IKBKB-DT: variants seen among roughly 807,000 people sequenced by gnomAD.
The protein encoded by IKBKB-DT is IKBKB divergent transcript.
chr8:42,250,449 T>G (rs1563276314), intron 3 of IKBKB-DT, among the ~76,000 whole-genome samples: 1 of 152,232 alleles, frequency 6.6e-6, no homozygotes, highest in Non-Finnish European at 1.5e-5. Flanking sequence ...CATTTACATC[T>G]ACACCCTAGC....
At chr8:42,268,802 A>G (rs1008358156) in intron 1 of IKBKB-DT, among the ~76,000 whole-genome samples, 1 of 150,316 alleles carries the variant, frequency 6.7e-6, no homozygotes, top group Non-Finnish European at 1.5e-5. Context: ...CCTGACCTCA[A>G]GTGATCTGCC....
chr8:42,271,132 C>G, exon 1 of IKBKB-DT: 1 of 522,046 alleles, frequency 1.9e-6, no homozygotes, highest in African/African-American at 2.0e-5. Flanking sequence ...AATCGGTGAG[C>G]ACGGTCTGTC....
chr8:42,264,672 T>A (rs1404275401), intron 2 of IKBKB-DT, among the ~76,000 whole-genome samples: 3 of 151,264 alleles, frequency 2.0e-5, no homozygotes, highest in Non-Finnish European at 4.4e-5. Flanking sequence ...AACTCTCCTG[T>A]CTCAGCCTCC....
intron 3 of IKBKB-DT, among the ~76,000 whole-genome samples, chr8:42,261,736 G>T (rs1049431446): frequency 6.6e-6 from 1 of 152,186 alleles, no homozygotes; most frequent in Admixed American, 6.5e-5. Flanking sequence ...CCTCAACTTT[G>T]TGCTGATGAC....
At chr8:42,266,164 C>T (rs1807366404) in exon 2 of IKBKB-DT, 1 of 152,216 alleles carries the variant, frequency 6.6e-6, no homozygotes, top group Admixed American at 6.5e-5. Context: ...AGAGTCCTTT[C>T]TCTGCAGGGC....
chr8:42,260,452 T>A (rs750035757), intron 3 of IKBKB-DT, among the ~76,000 whole-genome samples: 5 of 151,630 alleles, frequency 3.3e-5, no homozygotes, highest in Admixed American at 6.6e-5. Context: ...GATCAGGAGG[T>A]CAGGAGTTTG....
rs559901583 is a variant in IKBKB-DT, at chr8:42,236,935, GTCTTGAGC to G, written n.1530-3084_1530-3077del. Among the ~76,000 whole-genome samples, 388 of 152,206 alleles carry G rather than the reference GTCTTGAGC, an allele frequency of 2.5e-3. 1 individual carries two copies. The highest frequency in any genetic ancestry group is 9.1e-3 in the African/African-American group (378 of 41,524). On this transcript the variant is annotated intron_variant and non_coding_transcript_variant, in intron 3 of 3. Transcript: ENST00000518213. ...AGGTCTCACCATGTTGCCCAGGCCGGTCTTGAGCTCTTGAGTTCAAGTAATCCTTCCAC... is the reference window on the plus strand; with the variant it reads ...AGGTCTCACCATGTTGCCCAGGCCGGTCTTGAGTTCAAGTAATCCTTCCAC...
chr8:42,240,624 CAAAAAAA>C (rs1208809199), intron 3 of IKBKB-DT, among the ~76,000 whole-genome samples: 3 of 26,396 alleles, frequency 1.1e-4, no homozygotes, highest in Non-Finnish European at 2.0e-4. Context: ...GACTCAGTCT[CAAAAAAA>C]AAAAAAAAAA....
chr8:42,244,395 T>C (rs1455314265), intron 3 of IKBKB-DT, among the ~76,000 whole-genome samples: 1 of 152,280 alleles, frequency 6.6e-6, no homozygotes, highest in African/African-American at 2.4e-5. Flanking sequence ...CACTGTGTCA[T>C]TGGTGGAGAT....
At chr8:42,242,704 A>G (rs1173743680) in intron 3 of IKBKB-DT, among the ~76,000 whole-genome samples, 5 of 152,152 alleles carry the variant, frequency 3.3e-5, no homozygotes, top group African/African-American at 1.2e-4. Flanking sequence ...TTGTATAGCC[A>G]GGGCCACCTC....
chr8:42,244,086 G>T (rs540196377), intron 3 of IKBKB-DT, among the ~76,000 whole-genome samples: 1 of 152,064 alleles, frequency 6.6e-6, no homozygotes, highest in African/African-American at 2.4e-5. Context: ...ACTAAGCTTT[G>T]GTTCCCTCAA....
intron 3 of IKBKB-DT, among the ~76,000 whole-genome samples, chr8:42,248,151 C>T (rs1418723717): frequency 2.6e-5 from 4 of 152,106 alleles, no homozygotes; most frequent in Middle Eastern, 3.4e-3. Flanking sequence ...TTTCCCGAGG[C>T]CTCCCCAGCT....
At chr8:42,234,608 CTTTA>C (rs1236738340) in intron 3 of IKBKB-DT, among the ~76,000 whole-genome samples, 1 of 151,992 alleles carries the variant, frequency 6.6e-6, no homozygotes, top group African/African-American at 2.4e-5. Context: ...TTATTTTATA[CTTTA>C]TTTATTTTAT....
intron 3 of IKBKB-DT, among the ~76,000 whole-genome samples, chr8:42,244,096 A>G (rs920957470): frequency 6.6e-6 from 1 of 152,190 alleles, no homozygotes; most frequent in African/African-American, 2.4e-5. Context: ...GGTTCCCTCA[A>G]TTATATTTAT....
intron 1 of IKBKB-DT, among the ~76,000 whole-genome samples, chr8:42,268,882 T>A (rs1027261771): frequency 6.6e-6 from 1 of 152,164 alleles, no homozygotes; most frequent in African/African-American, 2.4e-5. Context: ...ATATTTTATT[T>A]AAAAAATTTA....
chr8:42,241,224 C>CTT lies in IKBKB-DT; in HGVS notation n.1530-7367_1530-7366dup, dbSNP rs773177896. On this transcript the variant is annotated intron_variant and non_coding_transcript_variant, in intron 3 of 3. Transcript: ENST00000518213. The stretch of plus-strand genomic sequence containing the variant: ...TTGATGCCTTTAGATATGTTGGAAT[C>CTT]TTTTTTTTTTTTTTTTTTTTTTTTT... Among the ~76,000 whole-genome samples the CTT allele has an allele frequency of 5.7e-3, 261 of 45,686 alleles. 99 individuals are homozygous for CTT. Among genetic ancestry groups the CTT allele is most frequent in the East Asian group, 0.031 (21 of 672 alleles). The allele number at this position is 45,686 out of a possible 152,430, so 30.0% of individuals were successfully genotyped here. A position where few individuals can be genotyped will look rare whatever the true frequency, so the allele number is the denominator to read the frequency against.
intron 3 of IKBKB-DT, among the ~76,000 whole-genome samples, chr8:42,236,957 T>C (rs918798539): frequency 5.9e-5 from 9 of 152,118 alleles, no homozygotes; most frequent in African/African-American, 1.9e-4. Flanking sequence ...TGAGTTCAAG[T>C]AATCCTTCCA....
intron 3 of IKBKB-DT, among the ~76,000 whole-genome samples, chr8:42,237,093 G>A (rs767336107): frequency 2.2e-4 from 30 of 137,322 alleles, no homozygotes; most frequent in Admixed American, 5.6e-4. Flanking sequence ...TTTTTTTTTT[G>A]TTTGTTTGTT....
intron 3 of IKBKB-DT, among the ~76,000 whole-genome samples, chr8:42,242,473 G>A (rs1807015733): frequency 6.6e-6 from 1 of 152,114 alleles, no homozygotes; most frequent in African/African-American, 2.4e-5. Context: ...CAAGGAAGTA[G>A]GGTCTCTATA....
Sources: allele counts gnomAD v4.1 joint callset (sites outside exome capture counted in the v4.1 genomes callset), GRCh38; gene constraint gnomAD v4.1.1; transcripts MANE v1.5; gene names NCBI Gene and HGNC (gene_info 2026-07-23, HGNC 2026-07-21).